Variants in FAM114A2 observed in about 807,000 individuals in gnomAD.
FAM114A2 encodes the protein family with sequence similarity 114 member A2, also known as protein FAM114A2.
A neutral mutation model predicts 58.4 loss-of-function variants in FAM114A2; 53 were observed. The observed-to-expected ratio is 0.91, with a 90% CI of 0.73 to 1.14. The LOEUF is 1.14. Ranked by LOEUF, FAM114A2 falls within the 50% of genes most tolerant of loss-of-function variation. The pLI is 0.00. For missense variants in FAM114A2, 601 were observed against 581.1 expected, an observed-to-expected ratio of 1.03 and a Z score of -0.35; for synonymous variants, 228 against 211.4, an observed-to-expected ratio of 1.08 and a Z score of -0.68.
At chr5:154,020,647 ATAAT>A (rs1771352682) in intron 8 of FAM114A2, among the ~76,000 whole-genome samples, 1 of 152,192 alleles carries the variant, frequency 6.6e-6, no homozygotes, top group African/African-American at 2.4e-5. Flanking sequence ...AATTAAAGCA[ATAAT>A]TAATAGCTTA....
At chr5:153,995,058 A>C in intron 12 of FAM114A2, 86 bp from the exon 13 acceptor site, 1 of 811,908 alleles carries the variant, frequency 1.2e-6, no homozygotes, top group Non-Finnish European at 2.2e-6. Flanking sequence ...ACACACACAC[A>C]CACCCATACA....
At chr5:153,995,446 T>G (rs1339219604) in intron 12 of FAM114A2, 1 of 152,360 alleles carries the variant, frequency 6.6e-6, no homozygotes, top group Non-Finnish European at 1.5e-5. Flanking sequence ...CTTGTAAGAT[T>G]AACTTCAGGA....
chr5:153,995,607 G>A (rs1769504819), intron 12 of FAM114A2, among the ~76,000 whole-genome samples: 1 of 152,036 alleles, frequency 6.6e-6, no homozygotes, highest in Non-Finnish European at 1.5e-5. Context: ...CATGACTAGG[G>A]CTTTAAAATA....
chr5:154,000,506 G>A (rs77662356), intron 11 of FAM114A2, among the ~76,000 whole-genome samples: 8,516 of 151,846 alleles, frequency 0.056, 283 homozygotes, highest in Middle Eastern at 0.18. Flanking sequence ...TTAAAAAGAC[G>A]GAAAAGGCAT....
At chr5:153,995,064 A>G (rs1245072531) in intron 12 of FAM114A2, 92 bp from the exon 13 acceptor site, 2 of 776,684 alleles carry the variant, frequency 2.6e-6, no homozygotes, top group African/African-American at 3.5e-5. Flanking sequence ...ACACACACCC[A>G]TACATAAATA....
intron 8 of FAM114A2, among the ~76,000 whole-genome samples, chr5:154,017,231 T>C (rs910898336): frequency 2.3e-4 from 35 of 152,094 alleles, no homozygotes; most frequent in Admixed American, 6.5e-4. Flanking sequence ...TCACCTGAGG[T>C]CGGGAGTTCA....
At chr5:154,032,301 C>T (rs1772255925) in intron 4 of FAM114A2, among the ~76,000 whole-genome samples, 1 of 152,146 alleles carries the variant, frequency 6.6e-6, no homozygotes, top group Admixed American at 6.5e-5. Flanking sequence ...CAAAATAAAC[C>T]TCTAACTTGA....
At chr5:154,030,822 GGA>G (rs1179250841) in intron 4 of FAM114A2, among the ~76,000 whole-genome samples, 1 of 152,204 alleles carries the variant, frequency 6.6e-6, no homozygotes, top group African/African-American at 2.4e-5. Context: ...GAACTACCAT[GGA>G]GCTCTAAGCT....
chr5:154,000,844 C>T lies in FAM114A2; in HGVS notation c.1256+1407G>A, dbSNP rs186981173. ...ACAACATCATACTCAAAATACCCTA[C>T]ATTCCATTTAGAAAAGTTAAAATAT... is the stretch of plus-strand genomic sequence containing the variant. On this transcript the variant is annotated intron_variant, in intron 11 of 13. Transcript: ENST00000351797. Among the ~76,000 whole-genome samples the T allele has an allele frequency of 2.0e-5, 3 of 152,278 alleles. 1 individual carries two copies. The highest frequency in any genetic ancestry group is 4.4e-5 in the Non-Finnish European group (3 of 68,030).
At position 153,992,940 on chromosome 5, in the gene FAM114A2, G is replaced by T; in HGVS notation, c.*36C>A. The stretch of plus-strand genomic sequence containing the variant: ...AGCCAGAATAAGGTGGCATTCCTTG[G>T]CCGTCACAAGTCCCAGGTCAAAACG... On this transcript the variant is annotated 3_prime_UTR_variant, in exon 14 of 14. Transcript: ENST00000351797. 6.3e-7 allele frequency: 1 copy of T among 1,590,816 alleles called. No individual in the cohort carries two copies. Among genetic ancestry groups the T allele is most frequent in the Non-Finnish European group, 8.6e-7 (1 of 1,165,448 alleles).
chr5:154,019,800 C>T (rs1771281723), intron 8 of FAM114A2, among the ~76,000 whole-genome samples: 1 of 152,060 alleles, frequency 6.6e-6, no homozygotes, highest in South Asian at 2.1e-4. Context: ...CCCTATTAAA[C>T]AAATGGTGCT....
At chr5:154,003,375 C>T (rs1451993750) in intron 9 of FAM114A2, among the ~76,000 whole-genome samples, 1 of 151,910 alleles carries the variant, frequency 6.6e-6, no homozygotes, top group East Asian at 1.9e-4. Flanking sequence ...GACGGGGTTT[C>T]GCCAGGTTGA....
intron 8 of FAM114A2, among the ~76,000 whole-genome samples, chr5:154,025,524 T>A (rs1357573695): frequency 4.6e-5 from 7 of 152,184 alleles, no homozygotes; most frequent in South Asian, 2.1e-4. Flanking sequence ...CTGAAAGGGT[T>A]CTGGGAATTC....
At chr5:154,010,761 G>A (rs77425394) in intron 9 of FAM114A2, among the ~76,000 whole-genome samples, 1 of 152,110 alleles carries the variant, frequency 6.6e-6, no homozygotes, top group Non-Finnish European at 1.5e-5. Context: ...CCAAAAATAA[G>A]GGCCTTGGTC....
In FAM114A2 at chr5:153,993,054, T is replaced by C; in HGVS notation, c.1440A>G (p.Leu480=). Reference sequence around the variant, plus strand: ...TCTTGTTCTCAATGAGAGAGATCTCTAGCACAGGTAAGAGTAGCTGAAAGG... The same window carrying C: ...TCTTGTTCTCAATGAGAGAGATCTCCAGCACAGGTAAGAGTAGCTGAAAGG... The part of the protein sequence containing the change: ...QDAFQLLLPV[L]EISLIENKIE... Residue 480 remains leucine, a synonymous_variant, in exon 14 of 14, where the codon CTA becomes CTG. Transcript: ENST00000351797. The C allele has an allele frequency of 1.9e-6, 3 of 1,612,786 alleles. No individual in the cohort carries two copies. Among genetic ancestry groups the C allele is most frequent in the Non-Finnish European group, 1.7e-6 (2 of 1,178,818 alleles).
Position 154,027,216 on chromosome 5 carries a change from AGATGTGAAAGGCCTTGAAATTCAT to A in FAM114A2, c.725_748del (p.Asp242_Leu250delinsVal). 1 of 1,613,478 alleles carries A rather than the reference AGATGTGAAAGGCCTTGAAATTCAT, an allele frequency of 6.2e-7. No individual in the cohort carries two copies. The highest frequency in any genetic ancestry group is 1.1e-5 in the South Asian group (1 of 90,996). On this transcript the variant is annotated inframe_deletion, in exon 7 of 14. Coordinates refer to ENST00000351797, the MANE Select transcript of FAM114A2 (RefSeq NM_018691.4). ...TTGGGAAAGCATCTCCAGAGCTTCT[AGATGTGAAAGGCCTTGAAATTCAT>A]CAAAGAGTAGCCCATAATGAGTTTT...
rs138370269 is a variant in FAM114A2, at chr5:153,990,846, C to T, written c.*2130G>A. 7.2e-5 allele frequency: 11 copies of T among 152,130 alleles called. No individual in the cohort carries two copies. Among genetic ancestry groups the T allele is most frequent in the Admixed American group, 6.5e-4 (10 of 15,278 alleles). The allele number at this position is 152,130 out of a possible 1,614,324, so 9.4% of individuals were successfully genotyped here. ...CAAAAAACTAAAACACTGTAACTAC[C>T]CCAAATAAAATAATGAAGCACATAC... On this transcript the variant is annotated 3_prime_UTR_variant, in exon 14 of 14. Coordinates refer to ENST00000351797, the MANE Select transcript of FAM114A2 (RefSeq NM_018691.4).
At position 154,034,772 on chromosome 5, in the gene FAM114A2, A is replaced by G. The variant is rs1020776657; in HGVS notation, c.182T>C (p.Leu61Pro). ...AATAGGGAGAACTTTTGAAGTCTCA[A>G]GGTCACTGGAAGGTTTGGTCTCTGG... The part of the protein sequence containing the change: ...KRPETKPSSD[L>P]ETSKVLPIQD... The change falls in exon 2 of 14, where the codon CTT becomes CCT. Residue 61 changes from leucine (L) to proline (P), a missense_variant. Transcript: ENST00000351797. 6.2e-7 allele frequency: 1 copy of G among 1,613,746 alleles called. No individual in the cohort carries two copies. The highest frequency in any genetic ancestry group is 8.5e-7 in the Non-Finnish European group (1 of 1,179,698).
intron 2 of FAM114A2, 138 bp downstream of exon 2, chr5:154,034,606 G>T: frequency 1.4e-6 from 1 of 709,422 alleles, no homozygotes; most frequent in Non-Finnish European, 2.4e-6. Context: ...GAACTGAAAA[G>T]ACTGTATTTT....
Sources: gnomAD v4.1 joint callset for allele counts (sites outside exome capture counted in the v4.1 genomes callset) on GRCh38, gnomAD v4.1.1 for gene constraint, MANE v1.5 for transcripts, NCBI Gene and HGNC (gene_info 2026-07-23, HGNC 2026-07-21) for gene names.